The following ZNF827 variants were observed in gnomAD, a reference collection of about 807,000 sequenced individuals.
ZNF827 encodes the protein zinc finger protein 827.
Under a neutral mutation model 102.4 loss-of-function variants are expected in ZNF827, and 13 were observed. The observed-to-expected ratio is 0.13, with a 90% confidence interval of 0.08 to 0.20. ZNF827 has a LOEUF of 0.20. Ranked by LOEUF, ZNF827 falls within the 10% of genes least tolerant of loss-of-function variation. The pLI is 1.00. For missense variants in ZNF827, 1,103 were observed against 1,344.4 expected (o/e 0.82, Z 2.81); for synonymous variants, 523 against 536.2 (o/e 0.98, Z 0.34).
chr4:145,765,457 T>C lies in ZNF827; in HGVS notation c.3052+90A>G. On this transcript the variant is annotated intron_variant, in intron 12 of 14. Coordinates refer to ENST00000508784, the MANE Select transcript of ZNF827 (RefSeq NM_001306215.2). This position sits in a 1 kb window ranked among gnomAD's most constrained non-coding sequence, Gnocchi z 4.7. ...TGCATCCTGGGCCTATTATCAGTTT[T>C]TGACATCGCTCCTGTGCAGGGCTTA... The C allele has an allele frequency of 1.4e-6, 2 of 1,455,490 alleles. No homozygotes were observed. Among genetic ancestry groups the C allele is most frequent in the Non-Finnish European group, 1.8e-6 (2 of 1,085,484 alleles). The allele number at this position is 1,455,490 out of a possible 1,614,324, so 90.2% of individuals were successfully genotyped here. A position where few individuals can be genotyped will look rare whatever the true frequency, so the allele number is the denominator to read the frequency against.
At chr4:145,817,986 C>G (rs2126454483) in intron 8 of ZNF827, among the ~76,000 whole-genome samples, 1 of 152,080 alleles carries the variant, frequency 6.6e-6, no homozygotes, top group Non-Finnish European at 1.5e-5. Context: ...TATGATATTA[C>G]TAGATATCAA....
intron 4 of ZNF827, 32 bp downstream of exon 4, chr4:145,885,646 G>T (rs1455191084): frequency 6.8e-7 from 1 of 1,471,882 alleles, no homozygotes; most frequent in Admixed American, 2.5e-5. Flanking sequence ...GAGAGAGAGA[G>T]AGAGAGAGAG....
intron 2 of ZNF827, among the ~76,000 whole-genome samples, chr4:145,900,065 A>G (rs1014765152): frequency 1.3e-5 from 2 of 152,270 alleles, no homozygotes; most frequent in Middle Eastern, 3.4e-3. Flanking sequence ...CCTTGGGTGT[A>G]TTTCCCACAA....
intron 5 of ZNF827, among the ~76,000 whole-genome samples, chr4:145,863,941 C>A (rs1023675506): frequency 6.6e-6 from 1 of 152,082 alleles, no homozygotes; most frequent in Non-Finnish European, 1.5e-5. Context: ...CCCCTGTAAT[C>A]CTAGCACTTT....
chr4:145,849,248 T>TAAAA, intron 6 of ZNF827, 74 bp downstream of exon 6: 1 of 1,354,892 alleles, frequency 7.4e-7, no homozygotes, highest in Non-Finnish European at 1.0e-6. Flanking sequence ...TTTTTTTTTT[T>TAAAA]AAAAAAAACT....
intron 9 of ZNF827, among the ~76,000 whole-genome samples, chr4:145,776,395 G>C (rs1353722517): frequency 6.6e-6 from 1 of 151,764 alleles, no homozygotes; most frequent in East Asian, 1.9e-4. Flanking sequence ...CAGGAGGTCA[G>C]GGTTACAGTG....
intron 1 of ZNF827, among the ~76,000 whole-genome samples, chr4:145,917,699 T>TA (rs1752754736): frequency 9.8e-5 from 2 of 20,368 alleles, no homozygotes; most frequent in African/African-American, 8.4e-4. Context: ...AGGTAGCTGG[T>TA]CAAAAAAAAA....
At chr4:145,803,425 G>A (rs979608678) in intron 8 of ZNF827, among the ~76,000 whole-genome samples, 2 of 151,838 alleles carry the variant, frequency 1.3e-5, no homozygotes, top group African/African-American at 4.8e-5. Flanking sequence ...AAGAGGCTAA[G>A]GAAATCACTT....
rs1452770413 is a variant in ZNF827 at position 145,902,511 on chromosome 4, T to C, written c.748A>G (p.Ser250Gly). The C allele has an allele frequency of 1.2e-6, 2 of 1,614,016 alleles. No homozygotes were observed. Among genetic ancestry groups the C allele is most frequent in the Admixed American group, 1.7e-5 (1 of 59,998 alleles). The stretch of plus-strand genomic sequence containing the variant: ...TTGGACAAAGCGGCCAAGGTAGAAC[T>C]GGCAGACTGGGAGCTAAAAGGGGAG... The part of the protein sequence containing the change: ...FSSPFSSQSA[S>G]STLAALSKKV... The change falls in exon 2 of 15, where the codon AGT (serine) becomes GGT (glycine). Residue 250 changes from serine to glycine, a missense_variant. Coordinates refer to ENST00000508784, the MANE Select transcript of ZNF827 (RefSeq NM_001306215.2). This position sits in a 1 kb window ranked among gnomAD's most constrained non-coding sequence, Gnocchi z 4.3.
intron 13 of ZNF827, 106 bp downstream of exon 13, chr4:145,764,882 C>G (rs752150347): frequency 2.5e-5 from 38 of 1,518,662 alleles, no homozygotes; most frequent in Middle Eastern, 1.9e-4. Flanking sequence ...TACCAAGCTC[C>G]CCTTCTCCAT....
intron 5 of ZNF827, among the ~76,000 whole-genome samples, chr4:145,866,456 C>T (rs1748210448): frequency 6.6e-6 from 1 of 152,090 alleles, no homozygotes; most frequent in African/African-American, 2.4e-5. Flanking sequence ...ATACAAGAAG[C>T]AATTGTAATT....
At chr4:145,833,312 G>A (rs1171298284) in intron 7 of ZNF827, among the ~76,000 whole-genome samples, 10 of 151,332 alleles carry the variant, frequency 6.6e-5, no homozygotes, top group East Asian at 3.9e-4. Context: ...CGTTTTATCC[G>A]TGGACCCAAA....
chr4:145,820,208 T>G (rs1337947760), intron 8 of ZNF827: 1 of 152,700 alleles, frequency 6.5e-6, no homozygotes. Context: ...GGTCTTAATC[T>G]GAAGGCATCT....
rs536779426 is a variant in ZNF827, at chr4:145,903,312, T to G, written c.44-97A>C. 8.8e-6 allele frequency: 13 copies of G among 1,472,054 alleles called. No individual in the cohort carries two copies. The African/African-American group carries it at 1.7e-4, about 19-fold the overall frequency. The allele number at this position is 1,472,054 out of a possible 1,614,324, so 91.2% of individuals were successfully genotyped here. The stretch of plus-strand genomic sequence containing the variant: ...AGGTGATGACATGCTTTCTCTTCCC[T>G]TCCACCCAAGAACCAAATGAAAGGT... On this transcript the variant is annotated intron_variant, in intron 1 of 14. Coordinates refer to ENST00000508784, the MANE Select transcript of ZNF827 (RefSeq NM_001306215.2).
At chr4:145,814,242 A>G (rs1742339716) in intron 8 of ZNF827, among the ~76,000 whole-genome samples, 1 of 152,230 alleles carries the variant, frequency 6.6e-6, no homozygotes, top group Admixed American at 6.5e-5. Flanking sequence ...TGGATAAGGG[A>G]TACTCAACCT....
In ZNF827 at chr4:145,774,665, C is replaced by T. The variant is rs1269821412; in HGVS notation, c.2701G>A (p.Val901Met). ...TTGAGCTCGGTCTCAAATCCACACA[C>T]GTGACAACTACATGAAAGGGTAAAA... is the stretch of plus-strand genomic sequence containing the variant. Reference protein sequence around the residue: ...KKHPYYYSCHVCGFETELNVQ... With the variant: ...KKHPYYYSCHMCGFETELNVQ... Residue 901 changes from valine (V) to methionine (M), a missense_variant, in exon 11 of 15, where the codon GTG becomes ATG. Physicochemically the swap from Val to Met is conservative, Grantham distance 21 (BLOSUM62 1). Coordinates refer to ENST00000508784, the MANE Select transcript of ZNF827 (RefSeq NM_001306215.2). 6.2e-6 allele frequency: 10 copies of T among 1,613,274 alleles called. No individual in the cohort carries two copies. The highest frequency in any genetic ancestry group is 7.6e-6 in the Non-Finnish European group (9 of 1,179,774).
chr4:145,929,173 C>T (rs1001265016), intron 1 of ZNF827, among the ~76,000 whole-genome samples: 3 of 152,202 alleles, frequency 2.0e-5, no homozygotes, highest in African/African-American at 7.2e-5. Context: ...CAACCCCATC[C>T]TTCATTTAAG....
rs375628405 is a variant in ZNF827, at chr4:145,902,951, G to A, written c.308C>T (p.Pro103Leu). 35 of 1,614,002 alleles carry A rather than the reference G, an allele frequency of 2.2e-5. 1 individual carries two copies. The highest frequency in any genetic ancestry group is 1.8e-4 in the South Asian group (16 of 91,078). The change falls in exon 2 of 15, where the codon CCG becomes CTG. Residue 103 changes from proline (P) to leucine (L), a missense_variant. Coordinates refer to ENST00000508784, the MANE Select transcript of ZNF827 (RefSeq NM_001306215.2). This position sits in a 1 kb window ranked among gnomAD's most constrained non-coding sequence, Gnocchi z 4.3. The stretch of plus-strand genomic sequence containing the variant: ...ATCGTCACACAAAGAAGACACTCCC[G>A]GGGAAAGGTGATCTTGACACTGCAG... ...DSLQCQDHLS[P>L]GVSSLCDDDP...
chr4:145,826,003 G>A (rs1004069058), intron 7 of ZNF827, among the ~76,000 whole-genome samples: 1 of 152,206 alleles, frequency 6.6e-6, no homozygotes, highest in Non-Finnish European at 1.5e-5. Context: ...AGAAGGCAAG[G>A]CAGCTTAAGG....
Sources: allele counts gnomAD v4.1 joint callset (sites outside exome capture counted in the v4.1 genomes callset), GRCh38; gene constraint gnomAD v4.1.1; non-coding constraint Gnocchi (gnomAD v3.1); transcripts MANE v1.5; gene names NCBI Gene and HGNC (gene_info 2026-07-23, HGNC 2026-07-21).